The following COL26A1 variants were observed in gnomAD, a reference collection of about 807,000 sequenced individuals.
COL26A1 encodes collagen alpha-1(XXVI) chain.
COL26A1 carries 41 observed loss-of-function variants against 59.3 expected under a neutral mutation model. The ratio of observed to expected loss-of-function variants is 0.69; its 90% CI spans 0.54 to 0.90. The LOEUF is 0.90. COL26A1 is among the 40% of genes least tolerant of loss of function. COL26A1 has a pLI of 0.00. For missense variants in COL26A1, 612 were observed against 602.3 expected (o/e 1.02, Z -0.17); for synonymous variants, 266 against 256.0 (o/e 1.04, Z -0.37).
At chr7:101,453,080 G>T (rs1457448287) in intron 3 of COL26A1, among the ~76,000 whole-genome samples, 1 of 152,196 alleles carries the variant, frequency 6.6e-6, no homozygotes, top group Non-Finnish European at 1.5e-5. Context: ...TTTAATGGGG[G>T]TGGGGGAGCA....
chr7:101,491,655 G>A (rs1794462724), intron 3 of COL26A1, among the ~76,000 whole-genome samples: 1 of 152,164 alleles, frequency 6.6e-6, no homozygotes, highest in African/African-American at 2.4e-5. Flanking sequence ...TCCTGGTGTT[G>A]CCATGGCATT....
chr7:101,458,297 C>T (rs564746147), intron 3 of COL26A1, among the ~76,000 whole-genome samples: 2 of 152,168 alleles, frequency 1.3e-5, no homozygotes, highest in Admixed American at 6.6e-5. Context: ...GACTTCATCA[C>T]CTTTACCAAT....
intron 10 of COL26A1, 116 bp downstream of exon 10, chr7:101,551,259 TG>T: frequency 9.1e-7 from 1 of 1,094,414 alleles, no homozygotes; most frequent in Non-Finnish European, 1.3e-6. Context: ...GTGGCCCTGC[TG>T]GAGCTCAGGC....
rs114346880 is a variant in COL26A1, at chr7:101,379,994, T to A, written c.158+16804T>A. Among the ~76,000 whole-genome samples, 1,128 of 152,298 alleles carry A rather than the reference T, an allele frequency of 7.4e-3. 14 individuals carry two copies. Among genetic ancestry groups the A allele is most frequent in the African/African-American group, 0.025 (1,040 of 41,568 alleles). On this transcript the variant is annotated intron_variant, in intron 1 of 12. Coordinates refer to ENST00000313669, the MANE Select transcript of COL26A1 (RefSeq NM_001278563.3). ...TCTCTATTCCTTTACTTACTTACTT[T>A]CTTTTTTTTCTTTTTGAGACGGAGT...
At chr7:101,434,921 A>G (rs1271951915) in intron 2 of COL26A1, among the ~76,000 whole-genome samples, 1 of 152,018 alleles carries the variant, frequency 6.6e-6, no homozygotes, top group Non-Finnish European at 1.5e-5. Context: ...AAAGATTCAC[A>G]GCATTGGAGG....
intron 1 of COL26A1, among the ~76,000 whole-genome samples, chr7:101,397,448 T>A (rs1488823241): frequency 6.8e-6 from 1 of 146,592 alleles, no homozygotes; most frequent in Non-Finnish European, 1.5e-5. Flanking sequence ...TCTTTTCTCC[T>A]TCCTCCTTTC....
chr7:101,489,525 G>A (rs1361639301), intron 3 of COL26A1, among the ~76,000 whole-genome samples: 3 of 151,966 alleles, frequency 2.0e-5, no homozygotes, highest in Non-Finnish European at 4.4e-5. Flanking sequence ...TGAACTCCTG[G>A]GCTCAAGAGA....
chr7:101,386,867 G>T (rs1483801958), intron 1 of COL26A1, among the ~76,000 whole-genome samples: 1 of 152,200 alleles, frequency 6.6e-6, no homozygotes. Context: ...CTGGAAGGGG[G>T]TGGTAGCATT....
intron 12 of COL26A1, among the ~76,000 whole-genome samples, chr7:101,557,077 A>G (rs1362848711): frequency 6.6e-6 from 1 of 151,962 alleles, no homozygotes; most frequent in Non-Finnish European, 1.5e-5. Context: ...GAATGGATAG[A>G]TGCATAGATA....
intron 3 of COL26A1, among the ~76,000 whole-genome samples, chr7:101,505,727 G>A (rs1164374404): frequency 6.6e-6 from 1 of 152,184 alleles, no homozygotes; most frequent in African/African-American, 2.4e-5. Flanking sequence ...CAGATTGAGG[G>A]GGGTGGGGTC....
intron 1 of COL26A1, among the ~76,000 whole-genome samples, chr7:101,394,250 C>G (rs1217180663): frequency 2.0e-5 from 3 of 152,152 alleles, no homozygotes; most frequent in Non-Finnish European, 2.9e-5. Flanking sequence ...AGGGGGATCT[C>G]TAGAAGCCAG....
intron 1 of COL26A1, among the ~76,000 whole-genome samples, chr7:101,366,380 G>A (rs1022592261): frequency 6.6e-6 from 1 of 151,098 alleles, no homozygotes; most frequent in African/African-American, 2.4e-5. Context: ...TGTGTTTACC[G>A]GGGCTTGGCT....
chr7:101,543,174 C>CTTT (rs11363180), intron 5 of COL26A1, among the ~76,000 whole-genome samples: 15 of 148,164 alleles, frequency 1.0e-4, no homozygotes, highest in South Asian at 6.4e-4. Flanking sequence ...GATCAGCAAA[C>CTTT]TTTTTTTTTT....
chr7:101,387,776 A>ATTTTTTTTTTTTTTTTTTTTTT (rs1445116473), intron 1 of COL26A1, among the ~76,000 whole-genome samples: 2 of 84,768 alleles, frequency 2.4e-5, no homozygotes, highest in Non-Finnish European at 4.5e-5. Flanking sequence ...ATATATATAT[A>ATTTTTTTTTTTTTTTTTTTTTT]TATTTTTTTT....
chr7:101,484,827 T>C (rs1794234037), intron 3 of COL26A1, among the ~76,000 whole-genome samples: 1 of 144,936 alleles, frequency 6.9e-6, no homozygotes, highest in African/African-American at 2.5e-5. Context: ...CATGCCTGGC[T>C]AATTTTTGTA....
At chr7:101,540,943 A>G (rs1335309155) in intron 5 of COL26A1, among the ~76,000 whole-genome samples, 1 of 152,178 alleles carries the variant, frequency 6.6e-6, no homozygotes, top group Non-Finnish European at 1.5e-5. Context: ...GGAGCTCAAG[A>G]CCAGCCTGGG....
At chr7:101,531,111 C>G (rs1443492315) in intron 3 of COL26A1, among the ~76,000 whole-genome samples, 1 of 152,146 alleles carries the variant, frequency 6.6e-6, no homozygotes, top group Non-Finnish European at 1.5e-5. Flanking sequence ...GCTGAGACTA[C>G]AGGCGCCCGC....
chr7:101,460,237 A>G (rs1456306904), intron 3 of COL26A1, among the ~76,000 whole-genome samples: 1 of 152,098 alleles, frequency 6.6e-6, no homozygotes, highest in East Asian at 1.9e-4. Flanking sequence ...TGCAGGGGCC[A>G]GAGGAATGAA....
At chr7:101,491,990 T>G (rs918874191) in intron 3 of COL26A1, among the ~76,000 whole-genome samples, 6 of 152,060 alleles carry the variant, frequency 3.9e-5, no homozygotes, top group Non-Finnish European at 7.4e-5. Flanking sequence ...GTGTGGGAAC[T>G]TTGGTACAAC....
Sources: allele counts gnomAD v4.1 joint callset (sites outside exome capture counted in the v4.1 genomes callset), GRCh38; gene constraint gnomAD v4.1.1; transcripts MANE v1.5; gene names NCBI Gene and HGNC (gene_info 2026-07-23, HGNC 2026-07-21).